The following POFUT1 variants were observed in gnomAD, a reference collection of about 807,000 sequenced individuals.
POFUT1 encodes GDP-fucose protein O-fucosyltransferase 1.
Under a neutral mutation model 42.4 loss-of-function variants are expected in POFUT1, and 16 were observed. That is an observed-to-expected ratio of 0.38 (90% CI 0.26 to 0.57). The LOEUF (loss-of-function observed/expected upper bound fraction) is 0.57. Among genes scored for constraint, POFUT1 ranks in the 20% least tolerant of loss-of-function variants. The pLI is 0.71. For missense variants in POFUT1, 470 were observed against 504.6 expected, an observed-to-expected ratio of 0.93 and a Z score of 0.66; for synonymous variants, 206 against 205.4, an observed-to-expected ratio of 1.00 and a Z score of -0.03.
chr20:32,237,610 C>G lies in POFUT1; in HGVS notation c.*2949C>G, dbSNP rs886949767. The G allele has an allele frequency of 3.3e-6, 1 of 301,604 alleles. No homozygotes were observed. Among genetic ancestry groups the G allele is most frequent in the Non-Finnish European group, 7.0e-6 (1 of 143,562 alleles). The allele number at this position is 301,604 out of a possible 1,614,324, so 18.7% of individuals were successfully genotyped here. ...GCGAGCTGACATTCTGCAGCCTGGA[C>G]GGCCATGGCAGGAAGCTTTTAGTTG... On this transcript the variant is annotated 3_prime_UTR_variant, in exon 7 of 7. Coordinates refer to ENST00000375749, the MANE Select transcript of POFUT1 (RefSeq NM_015352.2).
At chr20:32,215,770 C>A (rs754021251) in intron 3 of POFUT1, among the ~76,000 whole-genome samples, 2 of 152,230 alleles carry the variant, frequency 1.3e-5, no homozygotes, top group Non-Finnish European at 2.9e-5. Flanking sequence ...AACTAATATT[C>A]ATGTAGCACT....
In POFUT1 at chr20:32,235,446, C is replaced by A. The variant is rs1330341909; in HGVS notation, c.*785C>A. ...GTTGATGGCCACTGCAAACCTGGCACCATCAGATCTCTTCTGATCTCTTGC... is the reference window on the plus strand; with the variant it reads ...GTTGATGGCCACTGCAAACCTGGCAACATCAGATCTCTTCTGATCTCTTGC... On this transcript the variant is annotated 3_prime_UTR_variant, in exon 7 of 7. Coordinates refer to ENST00000375749, the MANE Select transcript of POFUT1 (RefSeq NM_015352.2). The A allele has an allele frequency of 1.3e-5, 2 of 152,380 alleles. No homozygotes were observed. Among genetic ancestry groups the A allele is most frequent in the Middle Eastern group, 3.4e-3 (1 of 294 alleles). The allele number at this position is 152,380 out of a possible 1,614,324, so 9.4% of individuals were successfully genotyped here.
At chr20:32,214,298 T>A (rs527922450) in intron 2 of POFUT1, among the ~76,000 whole-genome samples, 2 of 152,138 alleles carry the variant, frequency 1.3e-5, no homozygotes, top group African/African-American at 4.8e-5. Context: ...CTAATTTTTT[T>A]ATTTTTTGTA....
intron 6 of POFUT1, among the ~76,000 whole-genome samples, chr20:32,233,262 T>C (rs940584182): frequency 6.6e-6 from 1 of 152,308 alleles, no homozygotes; most frequent in East Asian, 1.9e-4. Context: ...CAGAGGATGC[T>C]GGCCTAGGCT....
chr20:32,231,882 C>T lies in POFUT1; in HGVS notation c.978+821C>T, dbSNP rs190180291. Among the ~76,000 whole-genome samples the T allele has an allele frequency of 2.2e-4, 33 of 152,304 alleles. No individual in the cohort carries two copies. The Middle Eastern group carries it at 0.014, about 63-fold the overall frequency. ...AGCCGTGAATAGTGAGTATTCAGTA[C>T]ATGAGTAAATACTAGAATGTTCTTG... On this transcript the variant is annotated intron_variant, in intron 6 of 6. Transcript: ENST00000375749.
At chr20:32,223,971 GA>G (rs1468698302) in intron 4 of POFUT1, among the ~76,000 whole-genome samples, 1 of 152,184 alleles carries the variant, frequency 6.6e-6, no homozygotes, top group Non-Finnish European at 1.5e-5. Flanking sequence ...AAATGAGAAT[GA>G]CAGTAATACT....
chr20:32,215,183 C>T, intron 2 of POFUT1, 86 bp from the exon 3 acceptor site: 1 of 1,058,498 alleles, frequency 9.4e-7, no homozygotes, highest in East Asian at 2.4e-5. Flanking sequence ...GCCACTGCAC[C>T]TGGCCTGGAG....
At position 32,228,284 on chromosome 20, in the gene POFUT1, G is replaced by A. The variant is rs376992212; in HGVS notation, c.564G>A (p.Pro188=). The A allele has an allele frequency of 1.2e-4, 191 of 1,613,250 alleles. 1 individual carries two copies. Among genetic ancestry groups the A allele is most frequent in the Middle Eastern group, 3.3e-4 (2 of 6,082 alleles). ...CTAGATTTTCTCCAAAGGAACATCC[G>A]GTGCTTGCCCTGCCAGGAGCCCCAG... ...WSQRFSPKEH[P]VLALPGAPAQ... The change falls in exon 5 of 7, where the codon CCG becomes CCA. Residue 188 remains proline, a synonymous_variant. Transcript: ENST00000375749.
chr20:32,208,090 C>T (rs1197142716), intron 1 of POFUT1, 25 bp downstream of exon 1: 1 of 1,537,206 alleles, frequency 6.5e-7, no homozygotes, highest in Admixed American at 2.0e-5. Context: ...GCCCTCTGCT[C>T]AGATGGAGAA....
At chr20:32,208,543 G>A (rs950925929) in intron 1 of POFUT1, among the ~76,000 whole-genome samples, 1 of 151,754 alleles carries the variant, frequency 6.6e-6, no homozygotes, top group Non-Finnish European at 1.5e-5. Context: ...TAGGCCAGGC[G>A]CGGTGGCTCA....
chr20:32,219,798 A>G (rs539764732), intron 4 of POFUT1, among the ~76,000 whole-genome samples: 1 of 152,196 alleles, frequency 6.6e-6, no homozygotes, highest in East Asian at 1.9e-4. Context: ...CGCCCGGCCA[A>G]CAACAAGTTA....
intron 4 of POFUT1, among the ~76,000 whole-genome samples, chr20:32,222,265 T>C (rs1428078295): frequency 6.6e-6 from 1 of 152,196 alleles, no homozygotes; most frequent in Non-Finnish European, 1.5e-5. Flanking sequence ...ATCCTGCCAC[T>C]GCACTCTAGC....
rs754256995 is a variant in POFUT1 at position 32,237,790 on chromosome 20, A to C, written c.*3129A>C. ...AGTGCAGGGCTGTTAACAGGGTTGC[A>C]GGCGAGAGACTGGGGTGCTGGGCTC... On this transcript the variant is annotated 3_prime_UTR_variant, in exon 7 of 7. Coordinates refer to ENST00000375749, the MANE Select transcript of POFUT1 (RefSeq NM_015352.2). The C allele has an allele frequency of 1.9e-6, 1 of 534,756 alleles. No homozygotes were observed. Among genetic ancestry groups the C allele is most frequent in the Non-Finnish European group, 3.8e-6 (1 of 260,096 alleles). 33.1% of individuals were successfully genotyped at this position (534,756 alleles called of 1,614,324 possible). A position where few individuals can be genotyped will look rare whatever the true frequency, so the allele number is the denominator to read the frequency against.
chr20:32,213,288 C>A (rs1569150898), intron 2 of POFUT1, among the ~76,000 whole-genome samples: 1 of 151,904 alleles, frequency 6.6e-6, no homozygotes, highest in African/African-American at 2.4e-5. Flanking sequence ...ATGGTGAAAC[C>A]CCATCTCTGC....
chr20:32,208,153 C>T, intron 1 of POFUT1, 88 bp downstream of exon 1: 8 of 1,318,128 alleles, frequency 6.1e-6, no homozygotes, highest in Non-Finnish European at 8.3e-6. Context: ...GAGACACCTT[C>T]ACAGGTCCAG....
Position 32,208,179 on chromosome 20 carries a change from C to T in POFUT1, c.124+114C>T, listed in dbSNP as rs979690388. 17 of 1,082,654 alleles carry T rather than the reference C, an allele frequency of 1.6e-5. No individual in the cohort carries two copies. In the African/African-American group the frequency reaches 2.6e-4, roughly 17 times the overall value. 67.1% of individuals were successfully genotyped at this position (1,082,654 alleles called of 1,614,324 possible). ...ACAGGTCCAGGAGAGAACCTCAGAG[C>T]GGGACGGGGCATGCTCTTCTCCTCT... is the stretch of plus-strand genomic sequence containing the variant. On this transcript the variant is annotated intron_variant, in intron 1 of 6. Coordinates refer to ENST00000375749, the MANE Select transcript of POFUT1 (RefSeq NM_015352.2).
At chr20:32,218,766 G>A (rs894905980) in intron 4 of POFUT1, among the ~76,000 whole-genome samples, 4 of 152,136 alleles carry the variant, frequency 2.6e-5, no homozygotes, top group Non-Finnish European at 4.4e-5. Flanking sequence ...AACTCTAAAA[G>A]CAACTCCAAA....
chr20:32,210,265 G>A, intron 2 of POFUT1, 73 bp downstream of exon 2: 1 of 1,536,046 alleles, frequency 6.5e-7, no homozygotes, highest in Non-Finnish European at 9.0e-7. Context: ...TAACCCTCAA[G>A]TCCTCTGGGC....
Position 32,228,314 on chromosome 20 carries a change from G to T in POFUT1, c.594G>T (p.Gln198His). The T allele has an allele frequency of 6.2e-7, 1 of 1,614,092 alleles. No individual in the cohort carries two copies. The highest frequency in any genetic ancestry group is 8.5e-7 in the Non-Finnish European group (1 of 1,179,958). ...TTGCCCTGCCAGGAGCCCCAGCCCA[G>T]TTCCCCGTCCTAGAGGAACACAGGC... is the stretch of plus-strand genomic sequence containing the variant. ...PVLALPGAPA[Q>H]FPVLEEHRPL... Residue 198 changes from glutamine to histidine, a missense_variant, in exon 5 of 7, where the codon CAG becomes CAT. Transcript: ENST00000375749.
Sources: allele counts gnomAD v4.1 joint callset (sites outside exome capture counted in the v4.1 genomes callset), GRCh38; gene constraint gnomAD v4.1.1; transcripts MANE v1.5; gene names NCBI Gene and HGNC (gene_info 2026-07-23, HGNC 2026-07-21).